AKAP9: variants seen among roughly 807,000 people sequenced by gnomAD.
The protein encoded by AKAP9 is A-kinase anchor protein 9.
Under a neutral mutation model 488.5 loss-of-function variants are expected in AKAP9, and 311 were observed. The observed-to-expected ratio is 0.64, with a 90% CI of 0.58 to 0.70. The LOEUF (loss-of-function observed/expected upper bound fraction) is 0.70, where lower values mean the gene tolerates loss of function less well. AKAP9 is among the 30% of genes least tolerant of loss of function. AKAP9 has a pLI of 0.00. For missense variants in AKAP9, 4,215 were observed against 4,374.5 expected, an observed-to-expected ratio of 0.96 and a Z score of 1.03; for synonymous variants, 1,462 against 1,483.5, an observed-to-expected ratio of 0.99 and a Z score of 0.33.
At chr7:92,063,451 T>TAA in intron 24 of AKAP9, 1 of 964,206 alleles carries the variant, frequency 1.0e-6, no homozygotes, top group Non-Finnish European at 1.2e-6. Context: ...TTTTTTTCTC[T>TAA]ATTTTCCTAG....
In AKAP9 at chr7:92,104,061, G is replaced by A. The variant is rs145973121; in HGVS notation, c.11330+1235G>A. Among the ~76,000 whole-genome samples, 14 of 152,236 alleles carry A rather than the reference G, an allele frequency of 9.2e-5. No homozygotes were observed. The East Asian group carries it at 2.1e-3, about 23-fold the overall frequency. On this transcript the variant is annotated intron_variant, in intron 46 of 49. Transcript: ENST00000356239. ...CTACAGTCTTCTGACCTGGTTATAC[G>A]CATACAAACACCAAGGCTTCTCCAT...
intron 19 of AKAP9, among the ~76,000 whole-genome samples, chr7:92,042,400 C>T (rs539037433): frequency 1.4e-4 from 21 of 152,248 alleles, no homozygotes; most frequent in African/African-American, 5.1e-4. Flanking sequence ...TATTGTTTCA[C>T]CAAAGAGAAC....
chr7:91,995,623 G>A lies in AKAP9; in HGVS notation c.753G>A (p.Leu251=). The change falls in exon 7 of 50, where the codon CTG becomes CTA. Residue 251 remains leucine (L), a synonymous_variant. Coordinates refer to ENST00000356239, the MANE Select transcript of AKAP9 (RefSeq NM_005751.5). Reference sequence around the variant, plus strand: ...TTCAGTTACAGGCTAGTGAAACTCTGAGAAACAGCACTCATAGTAGCACAG... The same window carrying A: ...TTCAGTTACAGGCTAGTGAAACTCTAAGAAACAGCACTCATAGTAGCACAG... ...QFQQLQASET[L]RNSTHSSTAA... 1.2e-6 allele frequency: 2 copies of A among 1,614,000 alleles called. No homozygotes were observed. Among genetic ancestry groups the A allele is most frequent in the Non-Finnish European group, 1.7e-6 (2 of 1,180,004 alleles).
intron 33 of AKAP9, among the ~76,000 whole-genome samples, chr7:92,084,215 C>G (rs193038566): frequency 1.3e-5 from 2 of 152,164 alleles, no homozygotes; most frequent in Non-Finnish European, 2.9e-5. Context: ...TTTTCTTTAT[C>G]CAGTTTATCA....
chr7:92,031,422 G>A (rs1434673379), intron 15 of AKAP9, 90 bp from the exon 16 acceptor site: 9 of 883,902 alleles, frequency 1.0e-5, no homozygotes, highest in Non-Finnish European at 1.7e-5. Flanking sequence ...TAAAAATACT[G>A]ATACTTTGGG....
At chr7:92,029,839 G>T in intron 14 of AKAP9, 56 bp from the exon 15 acceptor site, 1 of 1,420,894 alleles carries the variant, frequency 7.0e-7, no homozygotes, top group South Asian at 1.2e-5. Context: ...GATTTTGCAT[G>T]AACACTAAAG....
intron 1 of AKAP9, among the ~76,000 whole-genome samples, chr7:91,941,569 C>A (rs886604947): frequency 6.6e-6 from 1 of 152,130 alleles, no homozygotes; most frequent in Non-Finnish European, 1.5e-5. Context: ...CGCTGATCAT[C>A]AGCTTGTCTT....
At chr7:92,065,552 CTG>C (rs1371862180) in intron 25 of AKAP9, 89 bp downstream of exon 25, 4 of 941,590 alleles carry the variant, frequency 4.2e-6, no homozygotes, top group East Asian at 5.3e-5. Flanking sequence ...TATGAAAAGA[CTG>C]TTGAGTTAGT....
chr7:92,077,166 G>T (rs1357732906), intron 29 of AKAP9, among the ~76,000 whole-genome samples, 159 bp downstream of exon 29: 2 of 142,940 alleles, frequency 1.4e-5, no homozygotes, highest in African/African-American at 5.3e-5. Flanking sequence ...TGTGATCTCG[G>T]CTCATTGCAA....
In AKAP9 at chr7:92,055,937, T is replaced by C. The variant is rs1044575583; in HGVS notation, c.5601+2979T>C. 6.6e-5 allele frequency among the ~76,000 whole-genome samples: 10 copies of C among 152,116 alleles called. 1 individual carries two copies. The highest frequency in any genetic ancestry group is 4.6e-4 in the Admixed American group (7 of 15,234). ...GTAAGCTTCTTACCTTGACCTGTGT[T>C]CCTAATATAACTACTTACCTACAGA... On this transcript the variant is annotated intron_variant, in intron 22 of 49. Coordinates refer to ENST00000356239, the MANE Select transcript of AKAP9 (RefSeq NM_005751.5).
chr7:92,033,420 C>G (rs911747754), intron 16 of AKAP9, among the ~76,000 whole-genome samples: 10 of 150,204 alleles, frequency 6.7e-5, no homozygotes, highest in Non-Finnish European at 1.3e-4. Context: ...GACTGAGAGC[C>G]ATTTTTCTTT....
intron 2 of AKAP9, among the ~76,000 whole-genome samples, chr7:91,976,132 A>G (rs1229668959): frequency 1.3e-5 from 2 of 152,100 alleles, no homozygotes; most frequent in Middle Eastern, 3.2e-3. Flanking sequence ...CATGTTGGCC[A>G]GGGTGGTCTC....
intron 45 of AKAP9, 137 bp from the exon 46 acceptor site, chr7:92,102,453 ACTAC>A: frequency 1.1e-5 from 2 of 181,578 alleles, no homozygotes; most frequent in South Asian, 6.8e-5. Flanking sequence ...TACTATTACT[ACTAC>A]TACTACTACT....
rs535474296 is a variant in AKAP9 at position 92,041,814 on chromosome 7, AAATT to A, written c.4918-227_4918-224del. Reference sequence around the variant, plus strand: ...TTAATTTTCAATGCAAAATTGACAAAAATTAATTGAACTGCACAAATTCCTGAAT... The same window carrying A: ...TTAATTTTCAATGCAAAATTGACAAAAATTGAACTGCACAAATTCCTGAAT... On this transcript the variant is annotated intron_variant, in intron 18 of 49. Transcript: ENST00000356239. 1,505 of 395,522 alleles carry A rather than the reference AAATT, an allele frequency of 3.8e-3. 5 individuals are homozygous for A. Among genetic ancestry groups the A allele is most frequent in the Non-Finnish European group, 5.8e-3 (1,291 of 222,146 alleles). 24.5% of individuals were successfully genotyped at this position (395,522 alleles called of 1,614,324 possible).
rs770556341 is a variant in AKAP9 at position 92,097,209 on chromosome 7, G to A, written c.10250G>A (p.Arg3417His). 19 of 1,612,594 alleles carry A rather than the reference G, an allele frequency of 1.2e-5. No individual in the cohort carries two copies. The highest frequency in any genetic ancestry group is 2.2e-5 in the East Asian group (1 of 44,896). The change falls in exon 41 of 50, where the codon CGC becomes CAC. Residue 3417 changes from arginine to histidine, a missense_variant. By Grantham distance (29) the Arg-to-His change is conservative. This residue lies in a region of AKAP9 where 1,476 missense variants were observed against 1,477.4 expected (regional missense o/e 1.00). Transcript: ENST00000356239. ...ELQSKVEDLQ[R>H]QLEEKRQQVY... Reference sequence around the variant, plus strand: ...CAGTCCAAAGTGGAAGATCTTCAGCGCCAGCTGGAAGAGAAAAGACAACAA... The same window carrying A: ...CAGTCCAAAGTGGAAGATCTTCAGCACCAGCTGGAAGAGAAAAGACAACAA...
Position 92,045,493 on chromosome 7 carries a change from T to C in AKAP9, c.5368+280T>C, listed in dbSNP as rs11971885. 0.4 allele frequency among the ~76,000 whole-genome samples: 60,734 copies of C among 151,938 alleles called. 12,471 individuals are homozygous for C. The highest frequency in any genetic ancestry group is 0.47 in the African/African-American group (19,510 of 41,402). The stretch of plus-strand genomic sequence containing the variant: ...CTCCACCGATAAAAGAAAATTTATA[T>C]ATCAGCACTTAGTACTCTTACCAGT... On this transcript the variant is annotated intron_variant, in intron 21 of 49. Coordinates refer to ENST00000356239, the MANE Select transcript of AKAP9 (RefSeq NM_005751.5).
At chr7:92,048,376 G>A (rs1322747035) in intron 21 of AKAP9, among the ~76,000 whole-genome samples, 2 of 152,120 alleles carry the variant, frequency 1.3e-5, no homozygotes, top group African/African-American at 2.4e-5. Context: ...TTCCTCATAA[G>A]AGTAACCTAG....
chr7:91,985,772 T>C (rs1338788742), intron 3 of AKAP9, among the ~76,000 whole-genome samples: 1 of 152,134 alleles, frequency 6.6e-6, no homozygotes, highest in Non-Finnish European at 1.5e-5. Flanking sequence ...CTCAGCCTGC[T>C]GAGTACCTGG....
chr7:92,013,015 G>A (rs1383669815), intron 9 of AKAP9, among the ~76,000 whole-genome samples: 7 of 102,298 alleles, frequency 6.8e-5, no homozygotes, highest in Admixed American at 3.6e-4. Flanking sequence ...TTTTTGAGAC[G>A]GAGTCTCGCT....
Sources: gnomAD v4.1 joint callset for allele counts (sites outside exome capture counted in the v4.1 genomes callset) on GRCh38, gnomAD v4.1.1 for gene constraint, gnomAD v4.1.1 regional missense constraint, MANE v1.5 for transcripts, NCBI Gene and HGNC (gene_info 2026-07-23, HGNC 2026-07-21) for gene names.